ZNF407: variants seen among roughly 807,000 people sequenced by gnomAD.
ZNF407 encodes zinc finger protein 407.
Under a neutral mutation model 131.2 loss-of-function variants are expected in ZNF407, and 17 were observed. The observed-to-expected ratio is 0.13, with a 90% CI of 0.09 to 0.19. ZNF407 has a LOEUF of 0.19. ZNF407 is among the 10% of genes least tolerant of loss of function. The probability of loss-of-function intolerance (pLI) is 1.00; values close to 1 mark genes in which losing one functional copy is unlikely to be tolerated. For missense variants in ZNF407, 2,681 were observed against 2,830.6 expected, an observed-to-expected ratio of 0.95 and a Z score of 1.20; for synonymous variants, 1,156 against 1,062.0, an observed-to-expected ratio of 1.09 and a Z score of -1.72.
chr18:74,728,135 A>G (rs1056965966), intron 3 of ZNF407, among the ~76,000 whole-genome samples: 2 of 152,210 alleles, frequency 1.3e-5, no homozygotes, highest in Admixed American at 1.3e-4. Context: ...GGATTTGGCC[A>G]TAAGAGGGCT....
At chr18:74,902,657 A>G (rs1336100950) in intron 7 of ZNF407, among the ~76,000 whole-genome samples, 1 of 152,194 alleles carries the variant, frequency 6.6e-6, no homozygotes, top group African/African-American at 2.4e-5. Flanking sequence ...TGATCACAGA[A>G]CTTTGGAATT....
intron 4 of ZNF407, among the ~76,000 whole-genome samples, chr18:74,833,164 A>T (rs1488336719): frequency 6.6e-6 from 1 of 152,210 alleles, no homozygotes; most frequent in African/African-American, 2.4e-5. Context: ...AAGGAAAGGG[A>T]CATGGCCCAC....
intron 4 of ZNF407, among the ~76,000 whole-genome samples, chr18:74,849,689 C>T (rs1410967014): frequency 6.6e-6 from 1 of 152,154 alleles, no homozygotes; most frequent in African/African-American, 2.4e-5. Flanking sequence ...AGTCATCCTT[C>T]CAGCGATGTC....
At chr18:74,604,954 A>T (rs1020027533) in intron 1 of ZNF407, among the ~76,000 whole-genome samples, 1 of 152,188 alleles carries the variant, frequency 6.6e-6, no homozygotes, top group African/African-American at 2.4e-5. Flanking sequence ...GGCCATTCTT[A>T]CAGTAAGCAG....
chr18:74,956,200 G>A (rs921355430), intron 8 of ZNF407, among the ~76,000 whole-genome samples: 1 of 151,922 alleles, frequency 6.6e-6, no homozygotes, highest in Non-Finnish European at 1.5e-5. Context: ...TAACTTTTTA[G>A]TATCCTCCTG....
chr18:74,705,510 G>A (rs1315729313), intron 3 of ZNF407, among the ~76,000 whole-genome samples: 1 of 152,168 alleles, frequency 6.6e-6, no homozygotes, highest in Non-Finnish European at 1.5e-5. Flanking sequence ...AAAACGTCTT[G>A]TACCTCTATT....
At chr18:74,919,417 G>C (rs1971816711) in intron 7 of ZNF407, among the ~76,000 whole-genome samples, 1 of 152,188 alleles carries the variant, frequency 6.6e-6, no homozygotes, top group African/African-American at 2.4e-5. Context: ...GCAGTGCACT[G>C]TGAGATGTGT....
chr18:74,828,324 A>G (rs149451120), intron 4 of ZNF407, among the ~76,000 whole-genome samples: 4 of 152,330 alleles, frequency 2.6e-5, no homozygotes, highest in Non-Finnish European at 5.9e-5. Context: ...TGGGGCCTCA[A>G]CAAGAGCAAA....
intron 3 of ZNF407, among the ~76,000 whole-genome samples, chr18:74,643,193 T>C (rs1206491309): frequency 6.6e-6 from 1 of 152,110 alleles, no homozygotes; most frequent in Non-Finnish European, 1.5e-5. Flanking sequence ...CTAGAGAGTA[T>C]TTATACATTG....
At chr18:74,980,608 A>G (rs1179259104) in intron 8 of ZNF407, among the ~76,000 whole-genome samples, 1 of 152,150 alleles carries the variant, frequency 6.6e-6, no homozygotes, top group Admixed American at 6.5e-5. Context: ...CACCCAGCCA[A>G]TTGTTGAATT....
rs747898572 is a variant in ZNF407, at chr18:74,877,231, A to C, written c.4912A>C (p.Thr1638Pro). Residue 1638 changes from threonine (T) to proline (P), a missense_variant, in exon 5 of 9, where the codon ACA becomes CCA. Thr to Pro is a conservative substitution (Grantham distance 38). Coordinates refer to ENST00000299687, the MANE Select transcript of ZNF407 (RefSeq NM_017757.3). ...FTCHLCDRSF[T>P]EKWALNNHMK... ...ATGCCACTTATGTGATAGAAGTTTC[A>C]CAGAGAAGTGGGCCCTGAACAACCA... 4 of 1,613,982 alleles carry C rather than the reference A, an allele frequency of 2.5e-6. No homozygotes were observed. Among genetic ancestry groups the C allele is most frequent in the Non-Finnish European group, 2.5e-6 (3 of 1,179,876 alleles).
chr18:74,981,873 A>T (rs191781647), intron 8 of ZNF407, among the ~76,000 whole-genome samples: 1 of 152,242 alleles, frequency 6.6e-6, no homozygotes, highest in Non-Finnish European at 1.5e-5. Flanking sequence ...TGAAATTGAA[A>T]CTTACCCAAA....
intron 8 of ZNF407, among the ~76,000 whole-genome samples, chr18:75,024,963 T>C (rs1973153865): frequency 6.6e-6 from 1 of 152,200 alleles, no homozygotes; most frequent in South Asian, 2.1e-4. Context: ...TTTAAAAAAA[T>C]GTGTGTTTGC....
chr18:74,630,627 A>G (rs190843126), intron 1 of ZNF407, among the ~76,000 whole-genome samples: 1 of 152,022 alleles, frequency 6.6e-6, no homozygotes, highest in African/African-American at 2.4e-5. Context: ...TTTTGAAAGG[A>G]GAGCTTCTCT....
intron 3 of ZNF407, among the ~76,000 whole-genome samples, chr18:74,778,426 A>T (rs187666252): frequency 3.6e-4 from 55 of 152,142 alleles, no homozygotes; most frequent in African/African-American, 1.1e-3. Flanking sequence ...ACACTGTAAG[A>T]TCCTTGTTCT....
chr18:75,021,768 AAAATT>A (rs1235793364), intron 8 of ZNF407, among the ~76,000 whole-genome samples: 1 of 152,024 alleles, frequency 6.6e-6, no homozygotes, highest in African/African-American at 2.4e-5. Flanking sequence ...ATACGGAAAT[AAAATT>A]AAACCAAATT....
chr18:74,860,159 C>A (rs977398436), intron 4 of ZNF407, among the ~76,000 whole-genome samples: 2 of 151,934 alleles, frequency 1.3e-5, no homozygotes, highest in Admixed American at 6.6e-5. Flanking sequence ...ATAAAATAAT[C>A]CATCAGGTGT....
At chr18:74,908,346 A>C (rs1971623595) in intron 7 of ZNF407, among the ~76,000 whole-genome samples, 2 of 152,192 alleles carry the variant, frequency 1.3e-5, no homozygotes, top group South Asian at 2.1e-4. Context: ...AAAATTTTTT[A>C]ATCCAAATGG....
chr18:74,615,069 A>G (rs1983226585), intron 1 of ZNF407, among the ~76,000 whole-genome samples: 2 of 152,184 alleles, frequency 1.3e-5, no homozygotes, highest in Non-Finnish European at 2.9e-5. Context: ...TTCCATGCTT[A>G]CTTTCTTCTG....
Sources: gnomAD v4.1 joint callset for allele counts (sites outside exome capture counted in the v4.1 genomes callset) on GRCh38, gnomAD v4.1.1 for gene constraint, MANE v1.5 for transcripts, NCBI Gene and HGNC (gene_info 2026-07-23, HGNC 2026-07-21) for gene names.